The following CPQ variants were observed in gnomAD, a reference collection of about 807,000 sequenced individuals.
CPQ encodes carboxypeptidase Q, also known as Ser-Met dipeptidase.
CPQ carries 37 observed loss-of-function variants against 45.7 expected under a neutral mutation model. That is an observed-to-expected ratio of 0.81 (90% CI 0.62 to 1.07). The LOEUF is 1.07. Ranked by LOEUF, CPQ falls within the 50% of genes least tolerant of loss-of-function variation. The pLI, the probability that CPQ is intolerant of heterozygous loss-of-function variation, is 0.00. For synonymous variants in CPQ, 186 were observed against 205.8 expected (o/e 0.90, Z 0.82); for missense variants, 537 against 572.9 (o/e 0.94, Z 0.64).
chr8:96,990,807 C>T (rs1252026264), intron 5 of CPQ, among the ~76,000 whole-genome samples: 1 of 152,192 alleles, frequency 6.6e-6, no homozygotes, highest in South Asian at 2.1e-4. Flanking sequence ...TACCTATGGA[C>T]TGGGTAGCAG....
At chr8:96,797,690 A>G (rs1245222327) in intron 2 of CPQ, among the ~76,000 whole-genome samples, 2 of 151,458 alleles carry the variant, frequency 1.3e-5, no homozygotes, top group African/African-American at 2.4e-5. Flanking sequence ...GCCGAGGCAG[A>G]TGGATCACCT....
intron 7 of CPQ, among the ~76,000 whole-genome samples, chr8:97,101,390 A>G (rs1298863051): frequency 6.6e-6 from 1 of 151,896 alleles, no homozygotes; most frequent in Non-Finnish European, 1.5e-5. Flanking sequence ...TCAATTATAT[A>G]GACAGATTCA....
intron 4 of CPQ, among the ~76,000 whole-genome samples, chr8:96,913,639 A>G (rs1039845304): frequency 6.6e-6 from 1 of 152,204 alleles, no homozygotes; most frequent in South Asian, 2.1e-4. Context: ...GATGGAGAGT[A>G]AATTCTTTGT....
In CPQ at chr8:96,830,952, A is replaced by G. The variant is rs200303011; in HGVS notation, c.434-4021A>G. ...CATGACCCCTGGATTCAGATATCCA[A>G]TAGTTACAAATCTCAGCTTCAGCAC... On this transcript the variant is annotated intron_variant, in intron 2 of 7. Transcript: ENST00000220763. Among the ~76,000 whole-genome samples the G allele has an allele frequency of 7.9e-5, 12 of 152,320 alleles. No homozygotes were observed. The East Asian group carries it at 1.5e-3, about 20-fold the overall frequency.
intron 6 of CPQ, among the ~76,000 whole-genome samples, chr8:97,033,713 C>T (rs901589434): frequency 7.9e-5 from 12 of 151,292 alleles, no homozygotes; most frequent in Middle Eastern, 3.4e-3. Flanking sequence ...AAAAACAATA[C>T]GTAGATTATT....
At chr8:97,047,643 A>T (rs536852603) in intron 6 of CPQ, among the ~76,000 whole-genome samples, 1 of 152,212 alleles carries the variant, frequency 6.6e-6, no homozygotes, top group Non-Finnish European at 1.5e-5. Flanking sequence ...ATGAGTTTTA[A>T]AAAAATAACC....
At chr8:96,813,866 A>G (rs896300592) in intron 2 of CPQ, among the ~76,000 whole-genome samples, 2 of 152,124 alleles carry the variant, frequency 1.3e-5, no homozygotes, top group African/African-American at 4.8e-5. Context: ...TGGGCAGGAC[A>G]AGTTCTTTCA....
At chr8:97,133,814 A>G (rs1317853937) in intron 7 of CPQ, among the ~76,000 whole-genome samples, 1 of 152,218 alleles carries the variant, frequency 6.6e-6, no homozygotes, top group Non-Finnish European at 1.5e-5. Flanking sequence ...GTGAGTCAAA[A>G]TAAGTACATT....
intron 1 of CPQ, among the ~76,000 whole-genome samples, chr8:96,739,868 A>G (rs375992299): frequency 2.0e-5 from 3 of 151,888 alleles, no homozygotes; most frequent in African/African-American, 2.4e-5. Context: ...ACTGTAGCCT[A>G]GTAGTATAGT....
chr8:96,881,889 A>G (rs1171302920), intron 4 of CPQ, among the ~76,000 whole-genome samples: 1 of 152,200 alleles, frequency 6.6e-6, no homozygotes, highest in East Asian at 1.9e-4. Context: ...TGCAATAAAC[A>G]CTTTTTATAA....
intron 1 of CPQ, among the ~76,000 whole-genome samples, chr8:96,734,986 TTC>T (rs963059795): frequency 6.6e-6 from 1 of 151,882 alleles, no homozygotes. Context: ...CTCTTTCTGT[TTC>T]TCTCTCTCTG....
intron 4 of CPQ, among the ~76,000 whole-genome samples, chr8:96,921,515 A>G (rs533296668): frequency 6.6e-6 from 1 of 152,262 alleles, no homozygotes; most frequent in African/African-American, 2.4e-5. Context: ...TTAGGTGTTC[A>G]TTCATTCCAC....
intron 6 of CPQ, among the ~76,000 whole-genome samples, chr8:97,062,172 G>T (rs1040622237): frequency 6.6e-6 from 1 of 152,078 alleles, no homozygotes; most frequent in East Asian, 1.9e-4. Flanking sequence ...TAGAAGCCCT[G>T]GTTTTCAATT....
chr8:97,029,628 C>A, intron 6 of CPQ, 134 bp downstream of exon 6: 1 of 730,994 alleles, frequency 1.4e-6, no homozygotes, highest in Non-Finnish European at 2.3e-6. Context: ...GAGCCTTCTC[C>A]CTCCAGCCCT....
At chr8:96,724,533 G>A (rs1276683216) in intron 1 of CPQ, among the ~76,000 whole-genome samples, 1 of 148,438 alleles carries the variant, frequency 6.7e-6, no homozygotes, top group Non-Finnish European at 1.5e-5. Flanking sequence ...ACACCCCTAG[G>A]AATACATCTA....
At chr8:97,105,794 C>A (rs1811393966) in intron 7 of CPQ, among the ~76,000 whole-genome samples, 1 of 152,200 alleles carries the variant, frequency 6.6e-6, no homozygotes, top group Non-Finnish European at 1.5e-5. Flanking sequence ...CCCCAAACAG[C>A]TTTTAAAAAT....
chr8:96,963,204 T>C (rs1326241365), intron 4 of CPQ, among the ~76,000 whole-genome samples: 2 of 152,238 alleles, frequency 1.3e-5, no homozygotes, highest in Admixed American at 6.5e-5. Context: ...AAAAAGTTTA[T>C]TGAAGCACAT....
chr8:97,112,822 G>C (rs16895235), intron 7 of CPQ, among the ~76,000 whole-genome samples: 31,772 of 152,198 alleles, frequency 0.21, 3,477 homozygotes, highest in South Asian at 0.35. Flanking sequence ...ATGTCACGGA[G>C]AGGAAGGAGT....
chr8:96,736,570 G>A (rs1039088397), intron 1 of CPQ, among the ~76,000 whole-genome samples: 2 of 152,112 alleles, frequency 1.3e-5, no homozygotes, highest in Admixed American at 6.6e-5. Context: ...TGGTAAATGT[G>A]TATTGTTGCC....
Sources: gnomAD v4.1 joint callset for allele counts (sites outside exome capture counted in the v4.1 genomes callset) on GRCh38, gnomAD v4.1.1 for gene constraint, MANE v1.5 for transcripts, NCBI Gene and HGNC (gene_info 2026-07-23, HGNC 2026-07-21) for gene names.